Variants in SCN7A observed in about 807,000 individuals in gnomAD.
SCN7A encodes sodium voltage-gated channel alpha subunit 7.
In SCN7A, 138 loss-of-function variants were observed where a neutral mutation model predicts 155.2. The ratio of observed to expected loss-of-function variants is 0.89; its 90% CI spans 0.77 to 1.02. The LOEUF (loss-of-function observed/expected upper bound fraction) is 1.02, where lower values mean the gene tolerates loss of function less well. Ranked by LOEUF, SCN7A falls within the 50% of genes least tolerant of loss-of-function variation. The pLI, the probability that SCN7A is intolerant of heterozygous loss-of-function variation, is 0.00. For missense variants in SCN7A, 2,058 were observed against 1,986.6 expected, an observed-to-expected ratio of 1.04 and a Z score of -0.68; for synonymous variants, 693 against 649.0, an observed-to-expected ratio of 1.07 and a Z score of -1.03.
intron 23 of SCN7A, among the ~76,000 whole-genome samples, chr2:166,410,636 A>G (rs1213856691): frequency 1.3e-5 from 2 of 152,032 alleles, no homozygotes; most frequent in African/African-American, 4.8e-5. Context: ...GGATATCTGG[A>G]AATATTTACT....
At position 166,406,976 on chromosome 2, in the gene SCN7A, C is replaced by T. The variant is rs185057438; in HGVS notation, c.3983-330G>A. Among the ~76,000 whole-genome samples the T allele has an allele frequency of 2.2e-4, 33 of 152,102 alleles. No homozygotes were observed. In the South Asian group the frequency reaches 3.5e-3, roughly 16 times the overall value. ...GGACAATAGTCATAATTTTTTATTG[C>T]TATTGGATTAAGAAACTTAGTTCCA... On this transcript the variant is annotated intron_variant, in intron 25 of 25. Transcript: ENST00000643258.
At chr2:166,488,638 T>A (rs1703105734) in intron 1 of SCN7A, among the ~76,000 whole-genome samples, 1 of 151,590 alleles carries the variant, frequency 6.6e-6, no homozygotes, top group African/African-American at 2.4e-5. Context: ...GTTTCTTTTT[T>A]TTTTTTTATT....
chr2:166,484,290 C>A (rs1046288719), intron 2 of SCN7A, among the ~76,000 whole-genome samples: 1 of 151,480 alleles, frequency 6.6e-6, no homozygotes, highest in African/African-American at 2.4e-5. Context: ...ACTAAAAGAA[C>A]AATTCAGAGA....
chr2:166,410,378 T>G, intron 23 of SCN7A, 54 bp from the exon 24 acceptor site: 1 of 1,271,220 alleles, frequency 7.9e-7, no homozygotes, highest in South Asian at 1.4e-5. Flanking sequence ...AAATTTTCCC[T>G]TATGTTAATA....
chr2:166,472,576 T>A, intron 5 of SCN7A, 131 bp from the exon 6 acceptor site: 1 of 730,750 alleles, frequency 1.4e-6, no homozygotes, highest in East Asian at 3.0e-5. Context: ...GTCTACTTGG[T>A]AGGCCAAAAC....
chr2:166,472,494 T>C, intron 5 of SCN7A, 49 bp from the exon 6 acceptor site: 1 of 1,380,316 alleles, frequency 7.2e-7, no homozygotes, highest in South Asian at 1.3e-5. Context: ...TAATACATTG[T>C]CAACTCTGAA....
At chr2:166,434,066 G>A (rs1335538878) in intron 15 of SCN7A, among the ~76,000 whole-genome samples, 1 of 152,076 alleles carries the variant, frequency 6.6e-6, no homozygotes, top group African/African-American at 2.4e-5. Flanking sequence ...ATAAGTATGT[G>A]AGCATCTCCA....
intron 15 of SCN7A, among the ~76,000 whole-genome samples, chr2:166,440,107 A>G (rs1419088380): frequency 1.3e-5 from 2 of 152,214 alleles, no homozygotes; most frequent in African/African-American, 4.8e-5. Flanking sequence ...CTTATAAGTG[A>G]AAGCTTTCTC....
At chr2:166,420,815 T>C (rs1701495037) in intron 20 of SCN7A, among the ~76,000 whole-genome samples, 1 of 152,056 alleles carries the variant, frequency 6.6e-6, no homozygotes, top group South Asian at 2.1e-4. Flanking sequence ...GGGTATACAA[T>C]GTTTGTATAA....
intron 1 of SCN7A, among the ~76,000 whole-genome samples, chr2:166,492,306 G>A (rs1265600701): frequency 6.6e-6 from 1 of 152,006 alleles, no homozygotes; most frequent in Non-Finnish European, 1.5e-5. Flanking sequence ...GGGAAAGAAG[G>A]GACTCACAGT....
In SCN7A at chr2:166,467,652, TAGTATATACTA is replaced by T. The variant is rs1448875393; in HGVS notation, c.665-1676_665-1666del. 2.0e-4 allele frequency among the ~76,000 whole-genome samples: 30 copies of T among 151,724 alleles called. No homozygotes were observed. The East Asian group carries it at 5.8e-3, about 29-fold the overall frequency. ...AATTAAGTTTGTTAATAATTTTCATTAGTATATACTAATTATATTTTGTTAGAAAGTTCCGG... is the reference window on the plus strand; with the variant it reads ...AATTAAGTTTGTTAATAATTTTCATTATTATATTTTGTTAGAAAGTTCCGG... On this transcript the variant is annotated intron_variant, in intron 7 of 25. Transcript: ENST00000643258.
intron 2 of SCN7A, among the ~76,000 whole-genome samples, chr2:166,482,686 G>A (rs1210376462): frequency 6.6e-6 from 1 of 151,128 alleles, no homozygotes; most frequent in Non-Finnish European, 1.5e-5. Flanking sequence ...TTTTGATGTT[G>A]AATCAAACTA....
At chr2:166,476,379 GT>G (rs1286318242) in intron 3 of SCN7A, among the ~76,000 whole-genome samples, 2 of 151,670 alleles carry the variant, frequency 1.3e-5, no homozygotes, top group East Asian at 3.9e-4. Context: ...ATCAAATTAC[GT>G]TTGCTATGAA....
rs546908740 is a variant in SCN7A, at chr2:166,482,045, G to C, written c.-14-4335C>G. Among the ~76,000 whole-genome samples, 12 of 152,130 alleles carry C rather than the reference G, an allele frequency of 7.9e-5. No individual in the cohort carries two copies. In the East Asian group the frequency reaches 2.3e-3, roughly 29 times the overall value. Reference sequence around the variant, plus strand: ...CAGGCAGTGGGATGATCCGAATATTGGTTGTTAATTTCAACATCTTACAAT... The same window carrying C: ...CAGGCAGTGGGATGATCCGAATATTCGTTGTTAATTTCAACATCTTACAAT... On this transcript the variant is annotated intron_variant, in intron 2 of 25. Transcript: ENST00000643258.
intron 18 of SCN7A, among the ~76,000 whole-genome samples, chr2:166,424,578 G>A (rs185177564): frequency 3.3e-5 from 5 of 152,058 alleles, no homozygotes; most frequent in Admixed American, 6.6e-5. Context: ...ACTTAGGATA[G>A]TTCATAATAA....
At chr2:166,440,358 G>C (rs951926288) in intron 15 of SCN7A, among the ~76,000 whole-genome samples, 1 of 152,034 alleles carries the variant, frequency 6.6e-6, no homozygotes, top group African/African-American at 2.4e-5. Context: ...AAATTTAATG[G>C]GCACACAAAT....
intron 24 of SCN7A, 61 bp from the exon 25 acceptor site, chr2:166,409,996 G>A: frequency 6.5e-6 from 9 of 1,381,188 alleles, no homozygotes; most frequent in South Asian, 1.5e-5. Flanking sequence ...CATATATATG[G>A]TCTTTTATAC....
chr2:166,432,782 G>GT (rs768578943), intron 15 of SCN7A, 30 bp from the exon 16 acceptor site: 1 of 1,435,844 alleles, frequency 7.0e-7, no homozygotes, highest in South Asian at 1.5e-5. Context: ...GAGGCTAAAT[G>GT]TATCTCATTT....
At chr2:166,480,559 CTTA>C (rs1241721274) in intron 2 of SCN7A, among the ~76,000 whole-genome samples, 3 of 151,106 alleles carry the variant, frequency 2.0e-5, no homozygotes, top group East Asian at 1.9e-4. Flanking sequence ...TTATAAATAA[CTTA>C]TTGATTCTCT....
Sources: allele counts gnomAD v4.1 joint callset (sites outside exome capture counted in the v4.1 genomes callset), GRCh38; gene constraint gnomAD v4.1.1; transcripts MANE v1.5; gene names NCBI Gene and HGNC (gene_info 2026-07-23, HGNC 2026-07-21).